Variants in MXI1 observed in about 807,000 individuals in gnomAD.
MXI1 encodes the protein MAX interactor 1, dimerization protein.
In MXI1, 18 loss-of-function variants were observed where a neutral mutation model predicts 36.9. That is an observed-to-expected ratio of 0.49 (90% CI 0.34 to 0.72). MXI1 has a LOEUF of 0.72. Among genes scored for constraint, MXI1 ranks in the 30% least tolerant of loss-of-function variants. The probability of loss-of-function intolerance (pLI) is 0.01; values close to 1 mark genes in which losing one functional copy is unlikely to be tolerated. For synonymous variants in MXI1, 160 were observed against 146.7 expected (o/e 1.09, Z -0.65); for missense variants, 304 against 379.1 (o/e 0.80, Z 1.64).
At chr10:110,226,312 C>G (rs1220829211) in intron 1 of MXI1, 11 of 1,479,522 alleles carry the variant, frequency 7.4e-6, no homozygotes, top group Middle Eastern at 3.5e-4. Flanking sequence ...TGCGTGAGCC[C>G]GAGCGCTACT....
chr10:110,253,965 T>C (rs972722618), intron 3 of MXI1, among the ~76,000 whole-genome samples: 1 of 151,440 alleles, frequency 6.6e-6, no homozygotes, highest in African/African-American at 2.4e-5. Flanking sequence ...TGACTTATAC[T>C]CAACATTGTA....
intron 1 of MXI1, among the ~76,000 whole-genome samples, chr10:110,212,199 T>C (rs546706192): frequency 5.9e-5 from 9 of 152,288 alleles, no homozygotes; most frequent in Non-Finnish European, 1.2e-4. Context: ...ATAAGGCTCC[T>C]TGGAGTGGAT....
chr10:110,238,608 C>T (rs1409524980), intron 2 of MXI1, among the ~76,000 whole-genome samples: 1 of 152,032 alleles, frequency 6.6e-6, no homozygotes, highest in Non-Finnish European at 1.5e-5. Flanking sequence ...TTTATTTTTT[C>T]AAAGATTTTA....
rs570672344 is a variant in MXI1, at chr10:110,224,575, T to C, written c.275-3614T>C. 1.5e-4 allele frequency among the ~76,000 whole-genome samples: 23 copies of C among 152,002 alleles called. No individual in the cohort carries two copies. The South Asian group carries it at 2.9e-3, about 19-fold the overall frequency. On this transcript the variant is annotated intron_variant, in intron 1 of 5. Transcript: ENST00000332674. The stretch of plus-strand genomic sequence containing the variant: ...AAGTTGAGAAACCCTGGTCTAGACT[T>C]TGAGGATTTTTTAGGTGGAGGACTT...
At position 110,286,226 on chromosome 10, in the gene MXI1, T is replaced by C. The variant is rs1021369472; in HGVS notation, c.*1239T>C. ...GTCTCATTTTAATGTAAAGATTTGC[T>C]TCCATTTTCCTACAGGCAGTCTCTC... is the stretch of plus-strand genomic sequence containing the variant. On this transcript the variant is annotated 3_prime_UTR_variant, in exon 6 of 6. Coordinates refer to ENST00000332674, the MANE Select transcript of MXI1 (RefSeq NM_130439.3). 2.0e-5 allele frequency: 3 copies of C among 152,680 alleles called. No individual in the cohort carries two copies. Among genetic ancestry groups the C allele is most frequent in the Non-Finnish European group, 4.4e-5 (3 of 68,048 alleles). The allele number at this position is 152,680 out of a possible 1,614,324, so 9.5% of individuals were successfully genotyped here. A position where few individuals can be genotyped will look rare whatever the true frequency, so the allele number is the denominator to read the frequency against.
At chr10:110,227,342 G>A in intron 1 of MXI1, 1 of 985,900 alleles carries the variant, frequency 1.0e-6, no homozygotes, top group Admixed American at 6.2e-5. Context: ...GGGGAGGTGT[G>A]TGTGCTGAGA....
At chr10:110,259,624 G>A (rs908186041) in intron 3 of MXI1, among the ~76,000 whole-genome samples, 4 of 151,962 alleles carry the variant, frequency 2.6e-5, no homozygotes, top group African/African-American at 9.7e-5. Context: ...AGTAAAAAAT[G>A]TCTTTTTATT....
At chr10:110,282,657 AT>A (rs113928073) in intron 5 of MXI1, among the ~76,000 whole-genome samples, 2 of 150,438 alleles carry the variant, frequency 1.3e-5, no homozygotes, top group African/African-American at 2.4e-5. Context: ...TATAGCTCTC[AT>A]TTTTTTTTAG....
chr10:110,272,701 ATATAT>A (rs1856893680), intron 3 of MXI1, among the ~76,000 whole-genome samples: 1 of 151,268 alleles, frequency 6.6e-6, no homozygotes, highest in African/African-American at 2.4e-5. Flanking sequence ...TTATTATATT[ATATAT>A]TATATGTAAT....
chr10:110,242,937 TTTG>T (rs1256651446), intron 2 of MXI1, among the ~76,000 whole-genome samples: 1 of 152,036 alleles, frequency 6.6e-6, no homozygotes, highest in African/African-American at 2.4e-5. Flanking sequence ...GTCTTTTTGT[TTTG>T]TTTTTAGTTT....
chr10:110,241,479 T>A (rs188662642), intron 2 of MXI1, among the ~76,000 whole-genome samples: 61 of 152,124 alleles, frequency 4.0e-4, no homozygotes, highest in African/African-American at 1.4e-3. Context: ...AATGTGCTAG[T>A]GTGTGATACA....
At chr10:110,254,934 G>GA (rs1161518357) in intron 3 of MXI1, among the ~76,000 whole-genome samples, 1 of 152,222 alleles carries the variant, frequency 6.6e-6, no homozygotes, top group African/African-American at 2.4e-5. Context: ...AAATTATTGA[G>GA]AAAATCTAGC....
intron 3 of MXI1, among the ~76,000 whole-genome samples, chr10:110,269,163 C>T (rs1590395871): frequency 6.6e-6 from 1 of 152,232 alleles, no homozygotes; most frequent in East Asian, 1.9e-4. Context: ...CAGTAGTAAG[C>T]ATGGTTACCA....
At chr10:110,210,551 C>T (rs12413668) in intron 1 of MXI1, among the ~76,000 whole-genome samples, 13,315 of 152,048 alleles carry the variant, frequency 0.088, 1,144 homozygotes, top group East Asian at 0.3. Context: ...CTGGGGTGAC[C>T]TCCGGCAAAC....
At chr10:110,213,621 TGGAAAGGAGATCCAG>T (rs2134325204) in intron 1 of MXI1, among the ~76,000 whole-genome samples, 1 of 152,302 alleles carries the variant, frequency 6.6e-6, no homozygotes, top group East Asian at 1.9e-4. Context: ...CTGTGTGTCC[TGGAAAGGAGATCCAG>T]GGAAAGGGGA....
chr10:110,221,484 T>G (rs1204822429), intron 1 of MXI1, among the ~76,000 whole-genome samples: 2 of 152,236 alleles, frequency 1.3e-5, no homozygotes, highest in African/African-American at 4.8e-5. Context: ...TGCTCCAAAG[T>G]AAGCAAGCCG....
intron 2 of MXI1, among the ~76,000 whole-genome samples, chr10:110,237,564 A>G (rs1855517239): frequency 6.6e-6 from 1 of 152,154 alleles, no homozygotes; most frequent in Non-Finnish European, 1.5e-5. Flanking sequence ...GTACTGTTGC[A>G]GTACTGATAC....
intron 1 of MXI1, chr10:110,227,402 C>T: frequency 1.0e-6 from 1 of 983,942 alleles, no homozygotes; most frequent in Non-Finnish European, 1.2e-6. Context: ...GGGGGAGGTG[C>T]GAGGGTGCGC....
chr10:110,240,393 T>A (rs1293881337), intron 2 of MXI1, among the ~76,000 whole-genome samples: 2 of 152,100 alleles, frequency 1.3e-5, no homozygotes, highest in African/African-American at 4.8e-5. Context: ...AGATACTTGA[T>A]GTTCGTGGGC....
Sources: gnomAD v4.1 joint callset for allele counts (sites outside exome capture counted in the v4.1 genomes callset) on GRCh38, gnomAD v4.1.1 for gene constraint, MANE v1.5 for transcripts, NCBI Gene and HGNC (gene_info 2026-07-23, HGNC 2026-07-21) for gene names.